KIF16B: variants seen among roughly 807,000 people sequenced by gnomAD.
KIF16B encodes the protein kinesin-like protein KIF16B.
Under a neutral mutation model 156.3 loss-of-function variants are expected in KIF16B, and 98 were observed. That is an observed-to-expected ratio of 0.63 (90% CI 0.53 to 0.74). The LOEUF is 0.74. KIF16B is among the 30% of genes least tolerant of loss of function. KIF16B has a pLI of 0.00. For missense variants in KIF16B, 1,421 were observed against 1,606.5 expected (o/e 0.88, Z 1.97); for synonymous variants, 564 against 583.7 (o/e 0.97, Z 0.49).
At chr20:16,274,518 GGTTA>G (rs2063032259) in intron 25 of KIF16B, among the ~76,000 whole-genome samples, 1 of 152,118 alleles carries the variant, frequency 6.6e-6, no homozygotes, top group South Asian at 2.1e-4. Context: ...GGAGGGAAGG[GGTTA>G]GACCCAAACC....
At chr20:16,489,999 G>C (rs2068238905) in intron 12 of KIF16B, among the ~76,000 whole-genome samples, 1 of 152,014 alleles carries the variant, frequency 6.6e-6, no homozygotes, top group Non-Finnish European at 1.5e-5. Context: ...ACATAGCGAA[G>C]AGCATCACTG....
intron 1 of KIF16B, among the ~76,000 whole-genome samples, chr20:16,570,225 A>T (rs185544800): frequency 4.4e-3 from 673 of 152,358 alleles, no homozygotes; most frequent in Middle Eastern, 0.01. Context: ...ATCTTTACAC[A>T]TATATCTTTG....
At chr20:16,509,706 G>A (rs1217501317) in intron 6 of KIF16B, among the ~76,000 whole-genome samples, 1 of 152,126 alleles carries the variant, frequency 6.6e-6, no homozygotes, top group African/African-American at 2.4e-5. Context: ...TCTTTATATA[G>A]TAGGAAAATT....
At chr20:16,418,732 G>A (rs149577748) in intron 15 of KIF16B, among the ~76,000 whole-genome samples, 1 of 152,246 alleles carries the variant, frequency 6.6e-6, no homozygotes, top group Admixed American at 6.5e-5. Flanking sequence ...CGCAACTCAT[G>A]TAGAGGCATA....
At chr20:16,439,384 A>G (rs937876299) in intron 12 of KIF16B, among the ~76,000 whole-genome samples, 1 of 152,094 alleles carries the variant, frequency 6.6e-6, no homozygotes, top group Non-Finnish European at 1.5e-5. Flanking sequence ...GGTTTCCCAC[A>G]CGTTTGGAAT....
intron 1 of KIF16B, among the ~76,000 whole-genome samples, chr20:16,533,939 AAC>A (rs1381743828): frequency 6.6e-6 from 1 of 152,186 alleles, no homozygotes; most frequent in African/African-American, 2.4e-5. Context: ...TACAAACTGA[AAC>A]AGTTTAAAAA....
intron 12 of KIF16B, among the ~76,000 whole-genome samples, chr20:16,431,435 G>A (rs766300139): frequency 6.6e-6 from 1 of 152,098 alleles, no homozygotes; most frequent in Non-Finnish European, 1.5e-5. Context: ...AGGGATAGAG[G>A]CAACTTGCTG....
chr20:16,519,953 T>G (rs62199809), intron 3 of KIF16B, among the ~76,000 whole-genome samples: 1 of 151,966 alleles, frequency 6.6e-6, no homozygotes, highest in Non-Finnish European at 1.5e-5. Context: ...AGGGAAGCCA[T>G]GAGGGACTGT....
chr20:16,286,213 A>G (rs2122408524), intron 25 of KIF16B, among the ~76,000 whole-genome samples: 1 of 152,366 alleles, frequency 6.6e-6, no homozygotes, highest in South Asian at 2.1e-4. Context: ...TAGCACTGTA[A>G]TAAACAATCT....
chr20:16,385,580 G>A (rs1046819775), intron 17 of KIF16B, among the ~76,000 whole-genome samples: 1 of 152,208 alleles, frequency 6.6e-6, no homozygotes, highest in Non-Finnish European at 1.5e-5. Flanking sequence ...AAGGGCTGTA[G>A]CCAGGATCAA....
intron 23 of KIF16B, among the ~76,000 whole-genome samples, chr20:16,354,721 G>A (rs1239462417): frequency 6.6e-6 from 1 of 152,190 alleles, no homozygotes; most frequent in Admixed American, 6.5e-5. Flanking sequence ...CAAGGCAGGT[G>A]GATCACGAGC....
At chr20:16,284,872 A>T (rs912359475) in intron 25 of KIF16B, among the ~76,000 whole-genome samples, 3 of 152,270 alleles carry the variant, frequency 2.0e-5, no homozygotes, top group African/African-American at 7.2e-5. Context: ...ACTGGCTGGG[A>T]ACACCCACGG....
intron 17 of KIF16B, among the ~76,000 whole-genome samples, chr20:16,383,086 T>C (rs1217500783): frequency 2.0e-5 from 3 of 152,118 alleles, no homozygotes; most frequent in African/African-American, 4.8e-5. Flanking sequence ...CTTGACCTCC[T>C]AGGCTCAAGC....
intron 12 of KIF16B, among the ~76,000 whole-genome samples, chr20:16,437,991 A>AAAAC (rs1555884520): frequency 1.5e-4 from 22 of 148,538 alleles, no homozygotes; most frequent in African/African-American, 5.4e-4. Context: ...AAAAATAATA[A>AAAAC]AAAAAAAAAA....
intron 10 of KIF16B, among the ~76,000 whole-genome samples, chr20:16,503,895 A>C (rs181277168): frequency 1.3e-5 from 2 of 152,330 alleles, no homozygotes; most frequent in East Asian, 3.9e-4. Flanking sequence ...CAGCCAGATC[A>C]CAGGTGTAAT....
At chr20:16,311,491 C>CAAAACA (rs1190532271) in intron 25 of KIF16B, among the ~76,000 whole-genome samples, 22 of 152,152 alleles carry the variant, frequency 1.4e-4, no homozygotes, top group South Asian at 4.1e-4. Flanking sequence ...CCGTCTCAAA[C>CAAAACA]AAAACAAAAA....
At position 16,479,406 on chromosome 20, in the gene KIF16B, G is replaced by A. The variant is rs116379944; in HGVS notation, c.1302+14885C>T. Among the ~76,000 whole-genome samples, 1,207 of 152,174 alleles carry A rather than the reference G, an allele frequency of 7.9e-3. 12 individuals carry two copies. The highest frequency in any genetic ancestry group is 0.027 in the African/African-American group (1,126 of 41,496). ...GAGAGCATCAGGAAAAATAGCTACC[G>A]AATGCGGGGCTTAATACCTAGGTGA... On this transcript the variant is annotated intron_variant, in intron 12 of 25. Transcript: ENST00000354981.
At chr20:16,413,893 G>A (rs1462201108) in intron 15 of KIF16B, among the ~76,000 whole-genome samples, 2 of 151,982 alleles carry the variant, frequency 1.3e-5, no homozygotes, top group African/African-American at 4.8e-5. Context: ...GCTGAACTGA[G>A]GTAGGGCAGG....
intron 24 of KIF16B, among the ~76,000 whole-genome samples, chr20:16,326,512 C>T (rs2063852600): frequency 6.7e-6 from 1 of 149,710 alleles, no homozygotes; most frequent in Non-Finnish European, 1.5e-5. Context: ...GGGCTAAGGA[C>T]ATGAATAGAC....
Sources: allele counts gnomAD v4.1 joint callset (sites outside exome capture counted in the v4.1 genomes callset), GRCh38; gene constraint gnomAD v4.1.1; transcripts MANE v1.5; gene names NCBI Gene and HGNC (gene_info 2026-07-23, HGNC 2026-07-21).